The following KCNN2 variants were observed in gnomAD, a reference collection of about 807,000 sequenced individuals.
KCNN2 encodes potassium calcium-activated channel subfamily N member 2.
KCNN2 carries 24 observed loss-of-function variants against 55.5 expected under a neutral mutation model. The observed-to-expected ratio is 0.43, with a 90% CI of 0.31 to 0.61. KCNN2 has a LOEUF of 0.61. Among genes scored for constraint, KCNN2 ranks in the 20% least tolerant of loss-of-function variants. The probability of loss-of-function intolerance (pLI) is 0.08; values close to 1 mark genes in which losing one functional copy is unlikely to be tolerated. For synonymous variants in KCNN2, 431 were observed against 336.1 expected, an observed-to-expected ratio of 1.28 and a Z score of -3.09; for missense variants, 754 against 853.6, an observed-to-expected ratio of 0.88 and a Z score of 1.45.
chr5:114,153,424 G>T (rs1752565952), intron 1 of KCNN2, among the ~76,000 whole-genome samples: 1 of 152,128 alleles, frequency 6.6e-6, no homozygotes, highest in South Asian at 2.1e-4. Context: ...GGGCCTTAGA[G>T]TTTACCCTAC....
At chr5:114,433,065 G>C (rs1279124037) in intron 3 of KCNN2, among the ~76,000 whole-genome samples, 1 of 152,188 alleles carries the variant, frequency 6.6e-6, no homozygotes, top group Admixed American at 6.5e-5. Context: ...TGAGTAGTGC[G>C]GGCGCACAGC....
intron 1 of KCNN2, among the ~76,000 whole-genome samples, chr5:114,110,369 G>A (rs535612505): frequency 6.6e-6 from 1 of 152,146 alleles, no homozygotes. Flanking sequence ...CAGGACTAAG[G>A]TACCAGGTGA....
intron 3 of KCNN2, among the ~76,000 whole-genome samples, chr5:114,449,908 A>ACACACACACGCG (rs1309590184): frequency 1.5e-4 from 10 of 66,188 alleles, no homozygotes; most frequent in African/African-American, 3.1e-4. Context: ...ACACACACAC[A>ACACACACACGCG]CGCGCGCGCT....
At chr5:114,355,436 CT>C (rs1561582538) in intron 2 of KCNN2, among the ~76,000 whole-genome samples, 5 of 152,202 alleles carry the variant, frequency 3.3e-5, no homozygotes, top group Non-Finnish European at 7.3e-5. Flanking sequence ...TGTTTTAGCA[CT>C]GAGCAACCAG....
intron 1 of KCNN2, among the ~76,000 whole-genome samples, chr5:114,154,776 T>C (rs183727880): frequency 2.6e-4 from 40 of 152,258 alleles, no homozygotes; most frequent in Non-Finnish European, 4.9e-4. Flanking sequence ...CTCCTTCTGA[T>C]TGTCATAGAA....
At chr5:114,432,144 T>G (rs1759817293) in intron 3 of KCNN2, among the ~76,000 whole-genome samples, 2 of 152,224 alleles carry the variant, frequency 1.3e-5, no homozygotes, top group African/African-American at 4.8e-5. Flanking sequence ...GCCTGTTGGA[T>G]CTATGAATTA....
intron 2 of KCNN2, among the ~76,000 whole-genome samples, chr5:114,294,013 G>A (rs1314937019): frequency 2.0e-5 from 3 of 152,116 alleles, no homozygotes; most frequent in African/African-American, 7.2e-5. Flanking sequence ...ATGGTAGTTT[G>A]TATTTCTGTG....
At chr5:114,342,818 A>G (rs1345120505) in intron 2 of KCNN2, among the ~76,000 whole-genome samples, 1 of 152,196 alleles carries the variant, frequency 6.6e-6, no homozygotes, top group Non-Finnish European at 1.5e-5. Flanking sequence ...GGCTTCTTCA[A>G]GTATAAATGA....
At chr5:114,222,409 C>A (rs571886399) in intron 2 of KCNN2, among the ~76,000 whole-genome samples, 4 of 152,224 alleles carry the variant, frequency 2.6e-5, no homozygotes, top group African/African-American at 7.2e-5. Flanking sequence ...CAATGAATAT[C>A]AAAAAATTGA....
At chr5:114,274,910 T>A (rs191015173) in intron 2 of KCNN2, among the ~76,000 whole-genome samples, 1 of 152,278 alleles carries the variant, frequency 6.6e-6, no homozygotes, top group East Asian at 1.9e-4. Context: ...CCTTGTCATA[T>A]GCCGGTTTTC....
intron 6 of KCNN2, 180 bp from the exon 7 acceptor site, chr5:114,493,223 G>T: frequency 1.5e-6 from 1 of 677,414 alleles, no homozygotes; most frequent in Non-Finnish European, 2.7e-6. Context: ...CTTTTTTGCG[G>T]TGTTGGGGAA....
intron 1 of KCNN2, chr5:114,056,574 C>G (rs1202933073): frequency 5.1e-6 from 2 of 396,028 alleles, no homozygotes; most frequent in East Asian, 3.6e-5. Flanking sequence ...AGGGAGGATA[C>G]TAAAGTGAAG....
At chr5:114,241,356 A>G (rs1754615379) in intron 2 of KCNN2, among the ~76,000 whole-genome samples, 2 of 151,982 alleles carry the variant, frequency 1.3e-5, no homozygotes. Context: ...AAACATTTTG[A>G]ATAAAATAGT....
At chr5:114,395,155 G>T (rs1399900074) in intron 2 of KCNN2, among the ~76,000 whole-genome samples, 1 of 152,176 alleles carries the variant, frequency 6.6e-6, no homozygotes, top group East Asian at 1.9e-4. Context: ...GAAGGGTTCT[G>T]CAGCCGAGCT....
At chr5:114,490,705 T>A (rs1747803162) in intron 6 of KCNN2, 1 of 398,048 alleles carries the variant, frequency 2.5e-6, no homozygotes, top group African/African-American at 2.1e-5. Flanking sequence ...CGGAAGTAAG[T>A]TGTGTGAGCC....
intron 3 of KCNN2, among the ~76,000 whole-genome samples, chr5:114,434,800 T>C (rs1759945571): frequency 6.6e-6 from 1 of 152,138 alleles, no homozygotes; most frequent in Admixed American, 6.6e-5. Flanking sequence ...GGGGGTGTTT[T>C]CCTTCCCTCA....
chr5:114,163,634 C>G (rs1415391128), intron 1 of KCNN2, among the ~76,000 whole-genome samples: 1 of 152,014 alleles, frequency 6.6e-6, no homozygotes, highest in African/African-American at 2.4e-5. Context: ...TGTTGTTGCC[C>G]CTTTATGCAG....
intron 2 of KCNN2, among the ~76,000 whole-genome samples, chr5:114,286,830 CAGA>C (rs971016764): frequency 2.0e-5 from 3 of 152,172 alleles, no homozygotes; most frequent in African/African-American, 7.2e-5. Context: ...GAAAGTCAGA[CAGA>C]AGAAGAGATT....
chr5:114,091,202 C>T (rs1751136951), intron 1 of KCNN2, among the ~76,000 whole-genome samples: 1 of 152,052 alleles, frequency 6.6e-6, no homozygotes, highest in Admixed American at 6.6e-5. Flanking sequence ...TGGCTATTTT[C>T]CCCTGGTGGT....
Sources: allele counts gnomAD v4.1 joint callset (sites outside exome capture counted in the v4.1 genomes callset), GRCh38; gene constraint gnomAD v4.1.1; transcripts MANE v1.5; gene names NCBI Gene and HGNC (gene_info 2026-07-23, HGNC 2026-07-21).